Variants in KCND3 observed in about 807,000 individuals in gnomAD.
KCND3 encodes the protein potassium voltage-gated channel subfamily D member 3.
A neutral mutation model predicts 51.1 loss-of-function variants in KCND3; 9 were observed. The ratio of observed to expected loss-of-function variants is 0.18; its 90% CI spans 0.11 to 0.31. The LOEUF is 0.31. KCND3 is among the 10% of genes least tolerant of loss of function. KCND3 has a pLI of 1.00. For missense variants in KCND3, 526 were observed against 903.8 expected, an observed-to-expected ratio of 0.58 and a Z score of 5.36; for synonymous variants, 349 against 368.0, an observed-to-expected ratio of 0.95 and a Z score of 0.59.
In KCND3 at chr1:111,777,017, G is replaced by A. The variant is rs755768141; in HGVS notation, c.1766+9C>T. ...AGCCTTTGCGGGTGATGGGATGGAA[G>A]CCACCCACCTGGTTGTGAGGGAGGG... On this transcript the variant is annotated intron_variant, in intron 7 of 7. Transcript: ENST00000302127. 6.2e-7 allele frequency: 1 copy of A among 1,613,074 alleles called. No homozygotes were observed. Among genetic ancestry groups the A allele is most frequent in the Non-Finnish European group, 8.5e-7 (1 of 1,179,872 alleles).
At chr1:111,920,890 T>G (rs533123381) in intron 2 of KCND3, among the ~76,000 whole-genome samples, 4 of 152,304 alleles carry the variant, frequency 2.6e-5, no homozygotes, top group African/African-American at 9.6e-5. Context: ...ACTCAATCCC[T>G]CCCCTGGCCC....
chr1:111,963,934 G>A (rs144949464), intron 2 of KCND3, among the ~76,000 whole-genome samples: 16 of 152,272 alleles, frequency 1.1e-4, no homozygotes, highest in Middle Eastern at 6.8e-3. Flanking sequence ...ATCATCTTAC[G>A]GCCTTCCTTG....
intron 2 of KCND3, among the ~76,000 whole-genome samples, chr1:111,969,370 G>C (rs6692316): frequency 0.26 from 39,580 of 152,102 alleles, 5,479 homozygotes; most frequent in Non-Finnish European, 0.3. Context: ...GTCAGAGGTT[G>C]TGGAAGGAGA....
At chr1:111,971,496 G>A (rs781471060) in intron 2 of KCND3, among the ~76,000 whole-genome samples, 25 of 152,314 alleles carry the variant, frequency 1.6e-4, no homozygotes, top group Non-Finnish European at 3.4e-4. Context: ...GCAGGTGCCA[G>A]AGAAGTAGGG....
At position 111,981,869 on chromosome 1, in the gene KCND3, G is replaced by A. The variant is rs775098347; in HGVS notation, c.858C>T (p.Phe286=). ...MTNNEDVSGA[F]VTLRVFRVFR... is the part of the protein sequence containing the mutation. ...AGACGCGGAAGACCCGGAGCGTGAC[G>A]AAGGCGCCGGACACGTCCTCGTTGT... Residue 286 remains phenylalanine, a synonymous_variant, in exon 2 of 8, where the codon TTC becomes TTT. Coordinates refer to ENST00000302127, the MANE Select transcript of KCND3 (RefSeq NM_001378969.1). The surrounding 1 kb of genome is among the most constrained non-coding windows in gnomAD (Gnocchi z 6.2). 3 of 1,614,082 alleles carry A rather than the reference G, an allele frequency of 1.9e-6. No homozygotes were observed. The highest frequency in any genetic ancestry group is 1.7e-6 in the Non-Finnish European group (2 of 1,180,014).
intron 2 of KCND3, among the ~76,000 whole-genome samples, chr1:111,839,632 C>T: frequency 6.6e-6 from 1 of 152,208 alleles, no homozygotes; most frequent in African/African-American, 2.4e-5. Context: ...CTAATGATGG[C>T]TAATATGTAT....
intron 2 of KCND3, among the ~76,000 whole-genome samples, chr1:111,888,842 G>A (rs1197889544): frequency 1.3e-5 from 2 of 152,016 alleles, no homozygotes; most frequent in Non-Finnish European, 2.9e-5. Flanking sequence ...TTAAGAAAGG[G>A]AAGAGAAGAA....
In KCND3 at chr1:111,780,329, A is replaced by G; in HGVS notation, c.1372-15T>C. The G allele has an allele frequency of 1.3e-6, 2 of 1,554,646 alleles. No individual in the cohort carries two copies. The highest frequency in any genetic ancestry group is 8.7e-7 in the Non-Finnish European group (1 of 1,147,828). On this transcript the variant is annotated splice_polypyrimidine_tract_variant and intron_variant, in intron 4 of 7. Transcript: ENST00000302127. This position sits in a 1 kb window ranked among gnomAD's most constrained non-coding sequence, Gnocchi z 4.2. The stretch of plus-strand genomic sequence containing the variant: ...TCTGGGGTGCCCTAGTAAAAAAAGA[A>G]GAGAGATTGAGTAAAAAGCTGGTGG...
intron 2 of KCND3, among the ~76,000 whole-genome samples, chr1:111,799,658 GA>G (rs1665206043): frequency 1.3e-5 from 2 of 152,236 alleles, no homozygotes; most frequent in Non-Finnish European, 2.9e-5. Context: ...GTCACCAAAA[GA>G]GGTGATCACT....
chr1:111,865,858 T>C (rs1295048873), intron 2 of KCND3, among the ~76,000 whole-genome samples: 1 of 151,980 alleles, frequency 6.6e-6, no homozygotes, highest in Non-Finnish European at 1.5e-5. Context: ...GTATGCACCA[T>C]CATGCCCAGC....
chr1:111,986,455 C>T (rs1449989231), intron 1 of KCND3, among the ~76,000 whole-genome samples: 1 of 152,172 alleles, frequency 6.6e-6, no homozygotes, highest in Non-Finnish European at 1.5e-5. Flanking sequence ...CAAGAGAAGA[C>T]AGCAAGATGC....
intron 6 of KCND3, among the ~76,000 whole-genome samples, chr1:111,777,975 A>C (rs1431682622): frequency 6.6e-6 from 1 of 152,222 alleles, no homozygotes; most frequent in African/African-American, 2.4e-5. Context: ...AGGATAACTA[A>C]AAAATGGCTG....
intron 2 of KCND3, among the ~76,000 whole-genome samples, chr1:111,864,110 G>A (rs1365373871): frequency 6.6e-6 from 1 of 152,090 alleles, no homozygotes; most frequent in African/African-American, 2.4e-5. Context: ...TTTTGGTCAT[G>A]TTGAGGGTGG....
chr1:111,835,744 A>C (rs1385964269), intron 2 of KCND3, among the ~76,000 whole-genome samples: 2 of 152,232 alleles, frequency 1.3e-5, no homozygotes, highest in Non-Finnish European at 2.9e-5. Context: ...TTCCCAGAAA[A>C]CTTATGAATA....
chr1:111,873,827 C>T (rs1668935359), intron 2 of KCND3, among the ~76,000 whole-genome samples: 1 of 151,914 alleles, frequency 6.6e-6, no homozygotes, highest in African/African-American at 2.4e-5. Flanking sequence ...GCAGAGCTGC[C>T]TGTTTGGCAG....
At chr1:111,950,404 C>T (rs1673002204) in intron 2 of KCND3, among the ~76,000 whole-genome samples, 1 of 152,154 alleles carries the variant, frequency 6.6e-6, no homozygotes, top group Non-Finnish European at 1.5e-5. Context: ...TGCCCTGCCC[C>T]GGATTGGATC....
chr1:111,805,691 A>G (rs4521991), intron 2 of KCND3, among the ~76,000 whole-genome samples: 13,468 of 152,252 alleles, frequency 0.088, 949 homozygotes, highest in African/African-American at 0.19. Context: ...GCGGGGGGAC[A>G]TGGAGAGCTG....
In KCND3 at chr1:111,771,863, C is replaced by T. The variant is rs1381119715; in HGVS notation, c.*4214G>A. Reference sequence around the variant, plus strand: ...TCTATGCAGTTAGTCCTGAGCTTGGCACTAGTTATGAAAATAGGAGATGAA... The same window carrying T: ...TCTATGCAGTTAGTCCTGAGCTTGGTACTAGTTATGAAAATAGGAGATGAA... On this transcript the variant is annotated 3_prime_UTR_variant, in exon 8 of 8. Transcript: ENST00000302127. The T allele has an allele frequency of 6.6e-6, 1 of 152,002 alleles. No homozygotes were observed. The highest frequency in any genetic ancestry group is 1.5e-5 in the Non-Finnish European group (1 of 68,002). 9.4% of individuals were successfully genotyped at this position (152,002 alleles called of 1,614,324 possible).
intron 2 of KCND3, among the ~76,000 whole-genome samples, chr1:111,878,928 T>C (rs1669180986): frequency 6.6e-6 from 1 of 152,164 alleles, no homozygotes; most frequent in Non-Finnish European, 1.5e-5. Flanking sequence ...CCCTCCCTAA[T>C]GTGGGCAGGC....
Sources: gnomAD v4.1 joint callset for allele counts (sites outside exome capture counted in the v4.1 genomes callset) on GRCh38, gnomAD v4.1.1 for gene constraint, Gnocchi (gnomAD v3.1) non-coding constraint, MANE v1.5 for transcripts, NCBI Gene and HGNC (gene_info 2026-07-23, HGNC 2026-07-21) for gene names.